B4GALNT4: variants seen among roughly 807,000 people sequenced by gnomAD.
B4GALNT4 encodes N-acetyl-beta-glucosaminyl-glycoprotein 4-beta-N-acetylgalactosaminyltransferase 1.
In B4GALNT4, 77 loss-of-function variants were observed where a neutral mutation model predicts 110.0. The ratio of observed to expected loss-of-function variants is 0.70; its 90% CI spans 0.58 to 0.85. The LOEUF (loss-of-function observed/expected upper bound fraction) is 0.85. B4GALNT4 is among the 40% of genes least tolerant of loss of function. The pLI is 0.00. For missense variants in B4GALNT4, 1,575 were observed against 1,506.0 expected (o/e 1.05, Z -0.76); for synonymous variants, 785 against 655.5 (o/e 1.20, Z -3.02).
Position 376,732 on chromosome 11 carries a change from T to TC in B4GALNT4, c.1615dup (p.Arg539ProfsTer139), listed in dbSNP as rs1846764217. On this transcript the variant is annotated frameshift_variant, in exon 14 of 20. Coordinates refer to ENST00000329962, the MANE Select transcript of B4GALNT4 (RefSeq NM_178537.5). LOFTEE classifies it high-confidence loss of function. Reference sequence around the variant, plus strand: ...CAGGGTGCGGCCGGGACAGCGGGCATCCCCCCGGGCCCCAGCGCCGCGTGC... The same window carrying TC: ...CAGGGTGCGGCCGGGACAGCGGGCATCCCCCCCGGGCCCCAGCGCCGCGTGC... 7 of 1,399,878 alleles carry TC rather than the reference T, an allele frequency of 5.0e-6. No homozygotes were observed. The highest frequency in any genetic ancestry group is 3.2e-5 in the East Asian group (1 of 31,006). The allele number at this position is 1,399,878 out of a possible 1,614,324, so 86.7% of individuals were successfully genotyped here.
At chr11:381,031 C>T (rs1288268773) in intron 19 of B4GALNT4, 80 bp downstream of exon 19, 47 of 1,530,990 alleles carry the variant, frequency 3.1e-5, no homozygotes, top group East Asian at 4.9e-5. Flanking sequence ...GGGATTTATG[C>T]CCCCCACGGC....
rs758692571 is a variant in B4GALNT4, at chr11:376,666, C to T, written c.1543C>T (p.Arg515Cys). 4 of 1,428,444 alleles carry T rather than the reference C, an allele frequency of 2.8e-6. No individual in the cohort carries two copies. The highest frequency in any genetic ancestry group is 2.8e-5 in the Admixed American group (1 of 36,192). 88.5% of individuals were successfully genotyped at this position (1,428,444 alleles called of 1,614,324 possible). ...CTTCTTGGGCCGAGCTCCGCCCCCG[C>T]GCCCTGCAGTGGAGCAGCCGCCCCC... is the stretch of plus-strand genomic sequence containing the variant. ...PLFLGRAPPP[R>C]PAVEQPPPKV... Residue 515 changes from arginine to cysteine, a missense_variant, in exon 14 of 20, where the codon CGC (arginine) becomes TGC (cysteine). By Grantham distance (180) the Arg-to-Cys change is radical. Transcript: ENST00000329962.
In B4GALNT4 at chr11:376,956, GC is replaced by G; in HGVS notation, c.1836del (p.Thr613GlnfsTer13). 6.9e-7 allele frequency: 1 copy of G among 1,448,356 alleles called. No individual in the cohort carries two copies. Among genetic ancestry groups the G allele is most frequent in the Non-Finnish European group, 9.0e-7 (1 of 1,106,194 alleles). The allele number at this position is 1,448,356 out of a possible 1,614,324, so 89.7% of individuals were successfully genotyped here. ...AGGCGCGCACGCTGGGACCTGCGGC[GC>G]CCACAGTGGACTCAAACTTGTCCTC... Reference protein sequence around the residue: ...GQARTLGPAAPTVDSNLSSEA... With the variant: ...GQARTLGPAAXTVDSNLSSEA... On this transcript the variant is annotated frameshift_variant, in exon 14 of 20. Coordinates refer to ENST00000329962, the MANE Select transcript of B4GALNT4 (RefSeq NM_178537.5). LOFTEE classifies it high-confidence loss of function.
chr11:379,355 C>T (rs1377997153), intron 14 of B4GALNT4, 63 bp from the exon 15 acceptor site: 25 of 1,415,466 alleles, frequency 1.8e-5, no homozygotes, highest in Non-Finnish European at 2.1e-5. Flanking sequence ...CCAGGGCGGA[C>T]CAGGGTTGCG....
In B4GALNT4 at chr11:376,145, C is replaced by G; in HGVS notation, c.1167C>G (p.Phe389Leu). The G allele has an allele frequency of 6.2e-7, 1 of 1,610,314 alleles. No individual in the cohort carries two copies. The highest frequency in any genetic ancestry group is 8.5e-7 in the Non-Finnish European group (1 of 1,178,706). ...ACATGGAGACGGACAACAAGTGCTT[C>G]TACCGCGAGTCTCCGCTGTATCTGG... ...LTHMETDNKC[F>L]YRESPLYLER... The change falls in exon 12 of 20, where the codon TTC becomes TTG. Residue 389 changes from phenylalanine (F) to leucine (L), a missense_variant. Physicochemically the swap from Phe to Leu is conservative, Grantham distance 22 (BLOSUM62 0). Coordinates refer to ENST00000329962, the MANE Select transcript of B4GALNT4 (RefSeq NM_178537.5).
rs746496907 is a variant in B4GALNT4, at chr11:372,665, G to A, written c.259G>A (p.Glu87Lys). The A allele has an allele frequency of 1.8e-5, 29 of 1,611,620 alleles. No homozygotes were observed. Among genetic ancestry groups the A allele is most frequent in the East Asian group, 8.9e-5 (4 of 44,852 alleles). Residue 87 changes from glutamate (E) to lysine (K), a missense_variant, in exon 3 of 20, where the codon GAA becomes AAA. Coordinates refer to ENST00000329962, the MANE Select transcript of B4GALNT4 (RefSeq NM_178537.5). Reference protein sequence around the residue: ...SESREEEQAPEGRDLDMLFPG... With the variant: ...SESREEEQAPKGRDLDMLFPG... The stretch of plus-strand genomic sequence containing the variant: ...TGTTGCCTTTTCTCTCCTGCAGCCC[G>A]AAGGTCGGGACCTAGACATGCTGTT...
rs765594504 is a variant in B4GALNT4, at chr11:373,417, C to A, written c.637-32C>A. On this transcript the variant is annotated intron_variant, in intron 6 of 19. Transcript: ENST00000329962. ...CCCAGGGAGAGAGTGAACCCCCCCC[C>A]CCACCACCACCCCTGCTCTATCACC... The A allele has an allele frequency of 4.9e-4, 598 of 1,225,644 alleles. 18 individuals carry two copies. In the East Asian group the frequency reaches 8.7e-3, roughly 18 times the overall value. The allele number at this position is 1,225,644 out of a possible 1,614,324, so 75.9% of individuals were successfully genotyped here.
At position 375,518 on chromosome 11, in the gene B4GALNT4, C is replaced by T; in HGVS notation, c.841C>T (p.Leu281=). Reference sequence around the variant, plus strand: ...GGTCATCAGCTCTGCTCACATCTCCCTGTACACAGGTGCGAGCGGACGCCT... The same window carrying T: ...GGTCATCAGCTCTGCTCACATCTCCTTGTACACAGGTGCGAGCGGACGCCT... The part of the protein sequence containing the change: ...FEVISSAHIS[L]YTDESALKMD... The change falls in exon 9 of 20, where the codon CTG becomes TTG. Residue 281 remains leucine (L), a synonymous_variant. Coordinates refer to ENST00000329962, the MANE Select transcript of B4GALNT4 (RefSeq NM_178537.5). The T allele has an allele frequency of 6.2e-7, 1 of 1,611,328 alleles. No homozygotes were observed. Among genetic ancestry groups the T allele is most frequent in the Non-Finnish European group, 8.5e-7 (1 of 1,179,798 alleles).
chr11:380,351 G>A lies in B4GALNT4; in HGVS notation c.2775G>A (p.Leu925=). ...DLHIHFPPNI[L]DGIRKHCVEG... ...ACATCCACTTCCCACCCAACATCCT[G>A]GACGGCATCCGCAAGCACTGCGTGG... is the stretch of plus-strand genomic sequence containing the variant. Residue 925 remains leucine (L), a synonymous_variant, in exon 18 of 20, where the codon CTG becomes CTA. Transcript: ENST00000329962. 2.5e-6 allele frequency: 4 copies of A among 1,613,374 alleles called. No homozygotes were observed. Among genetic ancestry groups the A allele is most frequent in the Non-Finnish European group, 3.4e-6 (4 of 1,179,752 alleles).
intron 1 of B4GALNT4, among the ~76,000 whole-genome samples, chr11:371,383 C>T (rs1846616638): frequency 6.6e-6 from 1 of 152,178 alleles, no homozygotes; most frequent in Non-Finnish European, 1.5e-5. Context: ...CTCTGCACCC[C>T]AGCCCTCTCC....
At position 372,966 on chromosome 11, in the gene B4GALNT4, G is replaced by A. The variant is rs1315044838; in HGVS notation, c.444+19G>A. The A allele has an allele frequency of 5.0e-6, 8 of 1,612,446 alleles. No homozygotes were observed. The highest frequency in any genetic ancestry group is 6.8e-6 in the Non-Finnish European group (8 of 1,179,864). On this transcript the variant is annotated intron_variant, in intron 4 of 19. Coordinates refer to ENST00000329962, the MANE Select transcript of B4GALNT4 (RefSeq NM_178537.5). The stretch of plus-strand genomic sequence containing the variant: ...CCCTCATGTGAGTGCCGGGGTTGGG[G>A]GGTGCCGGGTGGGCAGGGCACGCAG...
intron 6 of B4GALNT4, 27 bp from the exon 7 acceptor site, chr11:373,422 C>G: frequency 1.5e-6 from 2 of 1,351,792 alleles, no homozygotes; most frequent in Non-Finnish European, 2.1e-6. Flanking sequence ...CCCCCCCCAC[C>G]ACCACCCCTG....
chr11:382,061 G>T lies in B4GALNT4; in HGVS notation c.*269G>T. ...GACATTGTTTTCAGAATTTCCAAGA[G>T]TTCTGTCTGTTCTGTTTTTTATTCA... On this transcript the variant is annotated 3_prime_UTR_variant, in exon 20 of 20. Transcript: ENST00000329962. 3.0e-6 allele frequency: 1 copy of T among 334,422 alleles called. No homozygotes were observed. The highest frequency in any genetic ancestry group is 5.4e-6 in the Non-Finnish European group (1 of 183,862). The allele number at this position is 334,422 out of a possible 1,614,324, so 20.7% of individuals were successfully genotyped here.
At chr11:377,823 C>T (rs1846791088) in intron 14 of B4GALNT4, among the ~76,000 whole-genome samples, 1 of 152,250 alleles carries the variant, frequency 6.6e-6, no homozygotes, top group Non-Finnish European at 1.5e-5. Context: ...AGGGCTTCTG[C>T]CCCATTGGCC....
Position 376,665 on chromosome 11 carries a change from G to A in B4GALNT4, c.1542G>A (p.Pro514=), listed in dbSNP as rs1448386027. ...LPLFLGRAPP[P]RPAVEQPPPK... is the part of the protein sequence containing the mutation. ...TCTTCTTGGGCCGAGCTCCGCCCCC[G>A]CGCCCTGCAGTGGAGCAGCCGCCCC... The change falls in exon 14 of 20, where the codon CCG becomes CCA. Residue 514 remains proline, a synonymous_variant. Coordinates refer to ENST00000329962, the MANE Select transcript of B4GALNT4 (RefSeq NM_178537.5). 4 of 1,426,628 alleles carry A rather than the reference G, an allele frequency of 2.8e-6. No individual in the cohort carries two copies. Among genetic ancestry groups the A allele is most frequent in the Non-Finnish European group, 3.7e-6 (4 of 1,093,652 alleles). The allele number at this position is 1,426,628 out of a possible 1,614,324, so 88.4% of individuals were successfully genotyped here.
chr11:373,419 C>CCA lies in B4GALNT4; in HGVS notation c.637-30_637-29insCA, dbSNP rs10624593. ...CAGGGAGAGAGTGAACCCCCCCCCC[C>CCA]ACCACCACCCCTGCTCTATCACCCC... On this transcript the variant is annotated intron_variant, in intron 6 of 19. Transcript: ENST00000329962. 984 of 1,084,026 alleles carry CCA rather than the reference C, an allele frequency of 9.1e-4. 98 individuals are homozygous for CCA. Among genetic ancestry groups the CCA allele is most frequent in the African/African-American group, 2.2e-3 (101 of 46,238 alleles). 67.2% of individuals were successfully genotyped at this position (1,084,026 alleles called of 1,614,324 possible). A position where few individuals can be genotyped will look rare whatever the true frequency, so the allele number is the denominator to read the frequency against.
intron 9 of B4GALNT4, 36 bp from the exon 10 acceptor site, chr11:375,603 G>C (rs1293261549): frequency 1.3e-6 from 2 of 1,598,552 alleles, no homozygotes; most frequent in South Asian, 2.2e-5. Context: ...GTGGAGGAGG[G>C]GGTCTGAGCA....
intron 14 of B4GALNT4, 50 bp from the exon 15 acceptor site, chr11:379,368 C>CG: frequency 7.0e-7 from 1 of 1,422,800 alleles, no homozygotes; most frequent in Non-Finnish European, 9.1e-7. Flanking sequence ...GGGTTGCGGG[C>CG]GGGGTGCAGG....
chr11:373,961 G>C, intron 8 of B4GALNT4, 133 bp downstream of exon 8: 1 of 863,978 alleles, frequency 1.2e-6, no homozygotes, highest in Non-Finnish European at 1.8e-6. Flanking sequence ...AGGTCAGGAG[G>C]GTCTGCTCTG....
Sources: gnomAD v4.1 joint callset for allele counts (sites outside exome capture counted in the v4.1 genomes callset) on GRCh38, gnomAD v4.1.1 for gene constraint, MANE v1.5 for transcripts, NCBI Gene and HGNC (gene_info 2026-07-23, HGNC 2026-07-21) for gene names.